ARHGAP28: variants seen among roughly 807,000 people sequenced by gnomAD.
ARHGAP28 encodes rho GTPase-activating protein 28.
A neutral mutation model predicts 90.7 loss-of-function variants in ARHGAP28; 56 were observed. That is an observed-to-expected ratio of 0.62 (90% CI 0.50 to 0.77). The LOEUF (loss-of-function observed/expected upper bound fraction) is 0.77, where lower values mean the gene tolerates loss of function less well. Among genes scored for constraint, ARHGAP28 ranks in the 30% least tolerant of loss-of-function variants. The probability of loss-of-function intolerance (pLI) is 0.00; values close to 1 mark genes in which losing one functional copy is unlikely to be tolerated. For synonymous variants in ARHGAP28, 308 were observed against 323.3 expected (o/e 0.95, Z 0.51); for missense variants, 869 against 900.9 (o/e 0.96, Z 0.45).
intron 4 of ARHGAP28, among the ~76,000 whole-genome samples, chr18:6,857,443 G>T (rs143199704): frequency 6.6e-6 from 1 of 152,222 alleles, no homozygotes; most frequent in African/African-American, 2.4e-5. Context: ...TGGAGAACGC[G>T]TTAGCTTTTG....
chr18:6,840,641 AGGGTTCTTCCTTC>A (rs1184058852), intron 3 of ARHGAP28, among the ~76,000 whole-genome samples: 3 of 152,192 alleles, frequency 2.0e-5, no homozygotes, highest in Admixed American at 2.0e-4. Flanking sequence ...GGAATGGCCC[AGGGTTCTTCCTTC>A]CGTCTGCCTT....
intron 17 of ARHGAP28, among the ~76,000 whole-genome samples, chr18:6,911,749 T>A (rs1385364796): frequency 2.0e-5 from 3 of 152,140 alleles, no homozygotes; most frequent in Non-Finnish European, 4.4e-5. Flanking sequence ...GCCATAATTT[T>A]CTAATTGATG....
At chr18:6,803,750 GTTTTTATTTTTATTTCTTA>G (rs1218358995) in intron 1 of ARHGAP28, among the ~76,000 whole-genome samples, 33 of 151,732 alleles carry the variant, frequency 2.2e-4, no homozygotes, top group Non-Finnish European at 4.4e-4. Context: ...TGATAGAAAA[GTTTTTATTTTTATTTCTTA>G]TTTTTATTTT....
At position 6,894,889 on chromosome 18, in the gene ARHGAP28, A is replaced by T. The variant is rs141734364; in HGVS notation, c.1903A>T (p.Met635Leu). 6.8e-4 allele frequency: 1,102 copies of T among 1,614,022 alleles called. 2 individuals carry two copies. The Middle Eastern group carries it at 0.014, about 20-fold the overall frequency. ...GCAAAAATCACCCTCGGCAAGACGA[A>T]TGGTAAGAAAAATAATTTCTTTTCC... ...VLQKSPSARRMSDVPEGVIRV... is the reference protein window; with the variant it reads ...VLQKSPSARRLSDVPEGVIRV... The change falls in exon 15 of 18, where the codon ATG (methionine) becomes TTG (leucine). Residue 635 changes from methionine to leucine, a missense_variant and splice_region_variant. Coordinates refer to ENST00000383472, the MANE Select transcript of ARHGAP28 (RefSeq NM_001366230.1).
intron 1 of ARHGAP28, among the ~76,000 whole-genome samples, chr18:6,787,967 G>A (rs1394338346): frequency 6.6e-6 from 1 of 152,050 alleles, no homozygotes; most frequent in African/African-American, 2.4e-5. Flanking sequence ...GGCTCATTCT[G>A]CCTTTTGTCT....
chr18:6,873,589 T>C lies in ARHGAP28; in HGVS notation c.1120+15T>C, dbSNP rs746789360. 4 of 1,611,898 alleles carry C rather than the reference T, an allele frequency of 2.5e-6. No homozygotes were observed. In the East Asian group the frequency reaches 6.7e-5, roughly 27 times the overall value. ...AAAAGGACGAGGTAACTAAGAAGAC[T>C]GATTGCTTCTGGCTTTAACACTTTG... On this transcript the variant is annotated intron_variant, in intron 8 of 17. Transcript: ENST00000383472.
chr18:6,801,454 C>CT (rs1357555310), intron 1 of ARHGAP28, among the ~76,000 whole-genome samples: 1 of 152,074 alleles, frequency 6.6e-6, no homozygotes, highest in Non-Finnish European at 1.5e-5. Context: ...TGACTTTCTT[C>CT]TTTTTCACAG....
At chr18:6,892,039 C>T (rs1446599142) in intron 14 of ARHGAP28, among the ~76,000 whole-genome samples, 1 of 152,110 alleles carries the variant, frequency 6.6e-6, no homozygotes, top group Admixed American at 6.5e-5. Context: ...TTCTCTGACT[C>T]ATGATAGGCA....
At chr18:6,898,718 C>CT (rs1460362147) in intron 16 of ARHGAP28, 1 of 1,378,124 alleles carries the variant, frequency 7.3e-7, no homozygotes, top group Non-Finnish European at 9.4e-7. Flanking sequence ...TGTATTAGAA[C>CT]TAATGACTGC....
chr18:6,868,036 C>A, intron 5 of ARHGAP28, 114 bp from the exon 6 acceptor site: 2 of 841,366 alleles, frequency 2.4e-6, no homozygotes, highest in Non-Finnish European at 3.7e-6. Flanking sequence ...TCAAGAATGG[C>A]TTTTTTTATG....
At chr18:6,860,205 T>G (rs577438664) in intron 5 of ARHGAP28, among the ~76,000 whole-genome samples, 1 of 152,240 alleles carries the variant, frequency 6.6e-6, no homozygotes, top group African/African-American at 2.4e-5. Context: ...CTCAGAAAAA[T>G]CCCAGAGGTT....
Position 6,873,583 on chromosome 18 carries a change from G to C in ARHGAP28, c.1120+9G>C. ...GAAAGTAAAAGGACGAGGTAACTAA[G>C]AAGACTGATTGCTTCTGGCTTTAAC... On this transcript the variant is annotated intron_variant, in intron 8 of 17. Transcript: ENST00000383472. 6.2e-7 allele frequency: 1 copy of C among 1,612,468 alleles called. No homozygotes were observed. Among genetic ancestry groups the C allele is most frequent in the Non-Finnish European group, 8.5e-7 (1 of 1,179,530 alleles).
chr18:6,764,707 A>G (rs143384225), intron 1 of ARHGAP28, among the ~76,000 whole-genome samples: 3 of 152,350 alleles, frequency 2.0e-5, no homozygotes, highest in Non-Finnish European at 4.4e-5. Flanking sequence ...ATTCAAATCA[A>G]TCAAAACTCT....
At chr18:6,845,790 T>C (rs894386824) in intron 3 of ARHGAP28, among the ~76,000 whole-genome samples, 1 of 152,222 alleles carries the variant, frequency 6.6e-6, no homozygotes, top group African/African-American at 2.4e-5. Context: ...TTCCATGGTA[T>C]ATATGTACCA....
At chr18:6,798,083 A>C (rs1256107813) in intron 1 of ARHGAP28, among the ~76,000 whole-genome samples, 4 of 152,256 alleles carry the variant, frequency 2.6e-5, no homozygotes, top group Non-Finnish European at 5.9e-5. Flanking sequence ...TAGGAAATAA[A>C]AAGGAAAAGA....
chr18:6,792,185 G>A (rs1245245340), intron 1 of ARHGAP28, among the ~76,000 whole-genome samples: 3 of 152,176 alleles, frequency 2.0e-5, no homozygotes, highest in Non-Finnish European at 2.9e-5. Flanking sequence ...ACAAATGGGT[G>A]TGAGAAGACT....
intron 15 of ARHGAP28, among the ~76,000 whole-genome samples, chr18:6,896,177 A>C (rs1447488225): frequency 6.6e-6 from 1 of 152,258 alleles, no homozygotes; most frequent in Non-Finnish European, 1.5e-5. Flanking sequence ...TTATGCTTAA[A>C]GCAGGTTCAG....
intron 12 of ARHGAP28, among the ~76,000 whole-genome samples, chr18:6,888,523 G>T (rs1168797312): frequency 1.3e-5 from 2 of 152,038 alleles, no homozygotes; most frequent in Non-Finnish European, 2.9e-5. Context: ...TATCCTTGAG[G>T]CAAGGACAGA....
At chr18:6,884,028 A>G (rs1457175808) in intron 11 of ARHGAP28, among the ~76,000 whole-genome samples, 1 of 152,172 alleles carries the variant, frequency 6.6e-6, no homozygotes, top group Non-Finnish European at 1.5e-5. Context: ...TTCATTCATT[A>G]TAATCATATT....
Sources: gnomAD v4.1 joint callset for allele counts (sites outside exome capture counted in the v4.1 genomes callset) on GRCh38, gnomAD v4.1.1 for gene constraint, MANE v1.5 for transcripts, NCBI Gene and HGNC (gene_info 2026-07-23, HGNC 2026-07-21) for gene names.